GARNL3: variants seen among roughly 807,000 people sequenced by gnomAD.
GARNL3 encodes GTPase-activating Rap/Ran-GAP domain-like protein 3.
A neutral mutation model predicts 125.0 loss-of-function variants in GARNL3; 63 were observed. That is an observed-to-expected ratio of 0.50 (90% CI 0.41 to 0.62). The LOEUF is 0.62. Ranked by LOEUF, GARNL3 falls within the 20% of genes least tolerant of loss-of-function variation. The pLI is 0.00. For missense variants in GARNL3, 994 were observed against 1,244.0 expected, an observed-to-expected ratio of 0.80 and a Z score of 3.02; for synonymous variants, 439 against 457.5, an observed-to-expected ratio of 0.96 and a Z score of 0.52.
intron 2 of GARNL3, among the ~76,000 whole-genome samples, chr9:127,251,240 G>A (rs2063396438): frequency 6.6e-6 from 1 of 152,146 alleles, no homozygotes; most frequent in African/African-American, 2.4e-5. Flanking sequence ...AAACAGCCTG[G>A]TTGTTTTCTT....
chr9:127,354,015 G>A (rs1233423358), intron 18 of GARNL3, 71 bp downstream of exon 18: 1 of 1,000,104 alleles, frequency 1.0e-6, no homozygotes, highest in African/African-American at 1.6e-5. Context: ...CACACCACAG[G>A]TCGCCAGGGT....
At chr9:127,248,650 C>G (rs2063346409) in intron 2 of GARNL3, among the ~76,000 whole-genome samples, 1 of 125,740 alleles carries the variant, frequency 8.0e-6, no homozygotes, top group South Asian at 2.4e-4. Flanking sequence ...CTCCATTGTC[C>G]AAGCTGGAGT....
At chr9:127,353,653 T>C in intron 17 of GARNL3, 193 bp from the exon 18 acceptor site, 2 of 594,130 alleles carry the variant, frequency 3.4e-6, no homozygotes, top group South Asian at 4.0e-5. Flanking sequence ...GAAGAAAGCA[T>C]CAGTACTTCT....
intron 1 of GARNL3, among the ~76,000 whole-genome samples, chr9:127,226,214 G>T (rs368340140): frequency 2.0e-5 from 3 of 152,256 alleles, no homozygotes; most frequent in East Asian, 1.9e-4. Context: ...GGACCAGAGT[G>T]GGGGACAGAG....
chr9:127,329,194 G>T lies in GARNL3; in HGVS notation c.595-3080G>T, dbSNP rs556095203. The stretch of plus-strand genomic sequence containing the variant: ...CTGGACACCATATTACCTAAATGAG[G>T]CTGTATAAGTAGGTTCAAGTACTTA... On this transcript the variant is annotated intron_variant, in intron 7 of 27. Coordinates refer to ENST00000373387, the MANE Select transcript of GARNL3 (RefSeq NM_032293.5). 2.6e-5 allele frequency among the ~76,000 whole-genome samples: 4 copies of T among 152,294 alleles called. No homozygotes were observed. In the East Asian group the frequency reaches 7.7e-4, roughly 29 times the overall value.
At chr9:127,386,786 G>C (rs1416768184) in intron 24 of GARNL3, among the ~76,000 whole-genome samples, 1 of 152,206 alleles carries the variant, frequency 6.6e-6, no homozygotes, top group Non-Finnish European at 1.5e-5. Flanking sequence ...GTATCTGCTG[G>C]ATCAGTGAAT....
In GARNL3 at chr9:127,280,503, T is replaced by G. The variant is rs1197040624; in HGVS notation, c.145-10665T>G. 6.6e-6 allele frequency among the ~76,000 whole-genome samples: 1 copy of G among 152,234 alleles called. No individual in the cohort carries two copies. Among genetic ancestry groups the G allele is most frequent in the East Asian group, 1.9e-4 (1 of 5,200 alleles). ...ATGGTGTGGGGAAGATTAAAGTGCC[T>G]TCCAACCTTCCATAATTACCACAGA... On this transcript the variant is annotated intron_variant, in intron 1 of 27. Transcript: ENST00000373387. The surrounding 1 kb of genome is among the most constrained non-coding windows in gnomAD (Gnocchi z 4.5).
At chr9:127,231,048 ATATTTTTTTTT>A (rs1486124530) in intron 1 of GARNL3, among the ~76,000 whole-genome samples, 3 of 43,700 alleles carry the variant, frequency 6.9e-5, no homozygotes, top group Non-Finnish European at 1.2e-4. Flanking sequence ...ATATATATAT[ATATTTTTTTTT>A]TTTTTTTTTT....
chr9:127,335,264 G>A lies in GARNL3; in HGVS notation c.804G>A (p.Val268=), dbSNP rs1588879982. Residue 268 remains valine (V), a synonymous_variant, in exon 10 of 28, where the codon GTG becomes GTA. Transcript: ENST00000373387. ...DTTGIHSVYT[V]YQGHEIMFHV... The stretch of plus-strand genomic sequence containing the variant: ...CAGGGATACATTCAGTTTATACTGT[G>A]TACCAAGGGCATGAGATCATGTTTC... The A allele has an allele frequency of 3.7e-6, 6 of 1,613,860 alleles. No homozygotes were observed. Among genetic ancestry groups the A allele is most frequent in the Non-Finnish European group, 5.1e-6 (6 of 1,179,742 alleles).
At chr9:127,344,414 A>G in intron 15 of GARNL3, 75 bp downstream of exon 15, 2 of 979,794 alleles carry the variant, frequency 2.0e-6, no homozygotes, top group Non-Finnish European at 3.2e-6. Context: ...GCCCATGTGC[A>G]AAGACTTTGT....
chr9:127,340,740 C>A (rs1829819588), intron 13 of GARNL3, among the ~76,000 whole-genome samples: 1 of 151,512 alleles, frequency 6.6e-6, no homozygotes, highest in Admixed American at 6.6e-5. Flanking sequence ...CAAGTGTTAC[C>A]CAACCTCCAA....
At position 127,364,567 on chromosome 9, in the gene GARNL3, A is replaced by G. The variant is rs1831181548; in HGVS notation, c.2095-733A>G. On this transcript the variant is annotated intron_variant, in intron 21 of 27. Transcript: ENST00000373387. This position sits in a 1 kb window ranked among gnomAD's most constrained non-coding sequence, Gnocchi z 4.2. ...AAGGACCAAGGACACCATCAGGTTG[A>G]GTGCCCTCCTCTCAAATGCAGAAAC... 6.6e-6 allele frequency: 1 copy of G among 152,354 alleles called. No homozygotes were observed. Among genetic ancestry groups the G allele is most frequent in the Non-Finnish European group, 1.5e-5 (1 of 68,150 alleles). The allele number at this position is 152,354 out of a possible 1,614,324, so 9.4% of individuals were successfully genotyped here.
chr9:127,345,468 TA>T lies in GARNL3; in HGVS notation c.1428del (p.Glu477SerfsTer36). 1.3e-6 allele frequency: 2 copies of T among 1,599,818 alleles called. No homozygotes were observed. The highest frequency in any genetic ancestry group is 1.1e-5 in the South Asian group (1 of 89,028). On this transcript the variant is annotated frameshift_variant, in exon 16 of 28. Transcript: ENST00000373387. LOFTEE classifies it high-confidence loss of function. Reference protein sequence around the residue: ...PSSLAASGICKKEPWEPQCFC... With the variant: ...PSSLAASGICXKEPWEPQCFC... Reference sequence around the variant, plus strand: ...CAAGCTTGGCAGCTTCAGGGATCTGTAAAAAAGAGGTGAGTTCATGATACTT... The same window carrying T: ...CAAGCTTGGCAGCTTCAGGGATCTGTAAAAAGAGGTGAGTTCATGATACTT...
chr9:127,338,512 A>G (rs1829676855), intron 12 of GARNL3, among the ~76,000 whole-genome samples: 1 of 152,264 alleles, frequency 6.6e-6, no homozygotes. Flanking sequence ...TTGTAAAAAG[A>G]ACCTGAACTT....
At chr9:127,232,350 C>T (rs2063033420) in intron 1 of GARNL3, among the ~76,000 whole-genome samples, 2 of 152,194 alleles carry the variant, frequency 1.3e-5, no homozygotes, top group African/African-American at 4.8e-5. Context: ...ACTCTGTTGC[C>T]CAGGCTGGAG....
chr9:127,347,412 A>T (rs972862814), intron 16 of GARNL3, among the ~76,000 whole-genome samples: 3 of 152,016 alleles, frequency 2.0e-5, no homozygotes, highest in African/African-American at 4.8e-5. Flanking sequence ...ACAGAGCAAG[A>T]CCTCGTCTCA....
rs960637384 is a variant in GARNL3, at chr9:127,392,891, C to T, written c.2871-192C>T. ...AAACACCTTCCATGTGTCACACACT[C>T]GGCCTTTAATCCTCAAAACCCCCTG... is the stretch of plus-strand genomic sequence containing the variant. On this transcript the variant is annotated intron_variant, in intron 27 of 27. Coordinates refer to ENST00000373387, the MANE Select transcript of GARNL3 (RefSeq NM_032293.5). This position sits in a 1 kb window ranked among gnomAD's most constrained non-coding sequence, Gnocchi z 5.2. 1.3e-5 allele frequency among the ~76,000 whole-genome samples: 2 copies of T among 152,188 alleles called. No individual in the cohort carries two copies. Among genetic ancestry groups the T allele is most frequent in the African/African-American group, 4.8e-5 (2 of 41,436 alleles).
chr9:127,272,252 C>T (rs1221621933), intron 1 of GARNL3, among the ~76,000 whole-genome samples: 1 of 149,846 alleles, frequency 6.7e-6, no homozygotes, highest in Non-Finnish European at 1.5e-5. Context: ...TAACACAACT[C>T]AGTTTTGTGC....
intron 21 of GARNL3, chr9:127,363,694 A>C (rs1180236648): frequency 6.6e-6 from 1 of 152,378 alleles, no homozygotes; most frequent in African/African-American, 2.4e-5. Flanking sequence ...TGAGGAGGTC[A>C]GGGCTTAGCC....
Sources: allele counts gnomAD v4.1 joint callset (sites outside exome capture counted in the v4.1 genomes callset), GRCh38; gene constraint gnomAD v4.1.1; non-coding constraint Gnocchi (gnomAD v3.1); transcripts MANE v1.5; gene names NCBI Gene and HGNC (gene_info 2026-07-23, HGNC 2026-07-21).